The following PTPRS variants were observed in gnomAD, a reference collection of about 807,000 sequenced individuals.
PTPRS encodes protein tyrosine phosphatase receptor type S, also known as receptor-type tyrosine-protein phosphatase S.
PTPRS carries 63 observed loss-of-function variants against 215.3 expected under a neutral mutation model. That is an observed-to-expected ratio of 0.29 (90% CI 0.24 to 0.36). The LOEUF is 0.36. PTPRS is among the 10% of genes least tolerant of loss of function. The pLI is 1.00. For missense variants in PTPRS, 2,258 were observed against 2,825.8 expected, an observed-to-expected ratio of 0.80 and a Z score of 4.56; for synonymous variants, 1,404 against 1,191.4, an observed-to-expected ratio of 1.18 and a Z score of -3.68.
Position 5,206,490 on chromosome 19 carries a change from T to C in PTPRS, c.*284A>G. The C allele has an allele frequency of 2.6e-6, 1 of 383,818 alleles. No homozygotes were observed. The allele number at this position is 383,818 out of a possible 1,614,324, so 23.8% of individuals were successfully genotyped here. On this transcript the variant is annotated 3_prime_UTR_variant, in exon 38 of 38. Transcript: ENST00000262963. ...GGGGAGCACTCCTATTTGCTCACCA[T>C]CCCCCCACCCCCCACCCCGGAATCT...
At chr19:5,333,529 T>A (rs2050397291) in intron 1 of PTPRS, among the ~76,000 whole-genome samples, 1 of 134,160 alleles carries the variant, frequency 7.5e-6, no homozygotes, top group African/African-American at 2.8e-5. Flanking sequence ...ACACACACAA[T>A]GCGATTCGAA....
chr19:5,219,563 T>C, intron 22 of PTPRS, 96 bp from the exon 23 acceptor site: 2 of 1,394,200 alleles, frequency 1.4e-6, no homozygotes, highest in Non-Finnish European at 1.9e-6. Context: ...TCTCCCCCGC[T>C]CTAGATCCTC....
chr19:5,266,590 C>T (rs1050009225), intron 4 of PTPRS, among the ~76,000 whole-genome samples: 3 of 152,120 alleles, frequency 2.0e-5, no homozygotes, highest in Non-Finnish European at 4.4e-5. Context: ...TGGTCTCGAA[C>T]TCCTGACCTC....
At position 5,230,673 on chromosome 19, in the gene PTPRS, C is replaced by T. The variant is rs183127209; in HGVS notation, c.2155+637G>A. On this transcript the variant is annotated intron_variant, in intron 14 of 37. Transcript: ENST00000262963. The stretch of plus-strand genomic sequence containing the variant: ...ATGGGGTCTCACTATGTTGCCTAGG[C>T]TGGTCTCAAACTCCGAGACTCATAT... Among the ~76,000 whole-genome samples, 4 of 152,282 alleles carry T rather than the reference C, an allele frequency of 2.6e-5. No homozygotes were observed. In the East Asian group the frequency reaches 5.8e-4, roughly 22 times the overall value.
Position 5,237,120 on chromosome 19 carries a change from T to C in PTPRS, c.1849+1799A>G, listed in dbSNP as rs144116126. Among the ~76,000 whole-genome samples, 65 of 152,290 alleles carry C rather than the reference T, an allele frequency of 4.3e-4. No individual in the cohort carries two copies. Among genetic ancestry groups the C allele is most frequent in the Non-Finnish European group, 7.8e-4 (53 of 68,024 alleles). On this transcript the variant is annotated intron_variant, in intron 13 of 37. Transcript: ENST00000262963. The surrounding 1 kb of genome is among the most constrained non-coding windows in gnomAD (Gnocchi z 4.2). The stretch of plus-strand genomic sequence containing the variant: ...GCTGAGCTACAAGGCCAGACCGAAC[T>C]CTTGGTGGGTCTCAGGATGCCAGTG...
intron 2 of PTPRS, among the ~76,000 whole-genome samples, chr19:5,282,330 C>G (rs940705376): frequency 4.6e-5 from 7 of 152,176 alleles, no homozygotes. Flanking sequence ...AAATGTCTTG[C>G]AAATGCTTGC....
intron 1 of PTPRS, among the ~76,000 whole-genome samples, chr19:5,324,899 A>G (rs1195397297): frequency 1.3e-5 from 2 of 152,196 alleles, no homozygotes; most frequent in Admixed American, 1.3e-4. Flanking sequence ...CACAGGGGCA[A>G]GAAGAGCCAC....
In PTPRS at chr19:5,212,145, C is replaced by T. The variant is rs779217719; in HGVS notation, c.4875G>A (p.Arg1625=). 2 of 1,614,098 alleles carry T rather than the reference C, an allele frequency of 1.2e-6. No homozygotes were observed. Among genetic ancestry groups the T allele is most frequent in the Non-Finnish European group, 1.7e-6 (2 of 1,180,050 alleles). ...VDVYGHVTLM[R]SQRNYMVQTE... Reference sequence around the variant, plus strand: ...TCTGCACCATGTAGTTGCGCTGGGACCTCATGAGCGTCACGTGGCCATAGA... The same window carrying T: ...TCTGCACCATGTAGTTGCGCTGGGATCTCATGAGCGTCACGTGGCCATAGA... The change falls in exon 32 of 38, where the codon AGG becomes AGA. Residue 1625 remains arginine, a synonymous_variant. Coordinates refer to ENST00000262963, the MANE Select transcript of PTPRS (RefSeq NM_002850.4).
intron 13 of PTPRS, among the ~76,000 whole-genome samples, chr19:5,236,046 A>T (rs2043414832): frequency 6.6e-6 from 1 of 152,090 alleles, no homozygotes; most frequent in African/African-American, 2.4e-5. Flanking sequence ...ATCTCATTTA[A>T]TTCTCACAAC....
intron 26 of PTPRS, among the ~76,000 whole-genome samples, chr19:5,216,323 C>T (rs1171335916): frequency 6.6e-6 from 1 of 152,148 alleles, no homozygotes; most frequent in Non-Finnish European, 1.5e-5. Flanking sequence ...CTCCTGGGAC[C>T]TGTGTACCGG....
Position 5,239,950 on chromosome 19 carries a change from C to T in PTPRS, c.1704+249G>A, listed in dbSNP as rs192298178. Among the ~76,000 whole-genome samples the T allele has an allele frequency of 6.6e-5, 10 of 151,838 alleles. No homozygotes were observed. The East Asian group carries it at 1.4e-3, about 21-fold the overall frequency. On this transcript the variant is annotated intron_variant, in intron 12 of 37. Coordinates refer to ENST00000262963, the MANE Select transcript of PTPRS (RefSeq NM_002850.4). Reference sequence around the variant, plus strand: ...AAGCACAGATCAAGAGAGATGGGGACGCCGATACATACGGAACCAGAGAGA... The same window carrying T: ...AAGCACAGATCAAGAGAGATGGGGATGCCGATACATACGGAACCAGAGAGA...
intron 2 of PTPRS, among the ~76,000 whole-genome samples, chr19:5,278,311 C>G (rs996387167): frequency 1.3e-5 from 2 of 151,936 alleles, no homozygotes; most frequent in Admixed American, 6.6e-5. Flanking sequence ...CTCAATCTCC[C>G]AGGCTCAAGC....
intron 9 of PTPRS, among the ~76,000 whole-genome samples, chr19:5,255,698 CAA>C (rs752720408): frequency 2.6e-5 from 4 of 152,162 alleles, no homozygotes; most frequent in Non-Finnish European, 5.9e-5. Context: ...ACCAAACCGA[CAA>C]GAGAGGCATG....
intron 12 of PTPRS, among the ~76,000 whole-genome samples, chr19:5,239,780 A>ACAG (rs1186375754): frequency 2.0e-5 from 3 of 152,134 alleles, no homozygotes; most frequent in Admixed American, 2.0e-4. Flanking sequence ...GGATAGAAAC[A>ACAG]CAGAGACAGA....
At chr19:5,213,457 G>A (rs956516585) in intron 30 of PTPRS, among the ~76,000 whole-genome samples, 1 of 142,132 alleles carries the variant, frequency 7.0e-6, no homozygotes, top group Non-Finnish European at 1.6e-5. Flanking sequence ...CCTCTTCCAG[G>A]TCCCTAACAC....
At chr19:5,251,795 G>C (rs1276587614) in intron 9 of PTPRS, among the ~76,000 whole-genome samples, 1 of 152,262 alleles carries the variant, frequency 6.6e-6, no homozygotes, top group East Asian at 1.9e-4. Context: ...GAGAAGGTCT[G>C]GGTCTGATCT....
chr19:5,328,865 C>T (rs943939593), intron 1 of PTPRS, among the ~76,000 whole-genome samples: 2 of 152,184 alleles, frequency 1.3e-5, no homozygotes, highest in Non-Finnish European at 2.9e-5. Flanking sequence ...TCACCCACTC[C>T]GAGTACTCTC....
intron 1 of PTPRS, among the ~76,000 whole-genome samples, chr19:5,289,510 C>T (rs2048636577): frequency 6.6e-6 from 1 of 152,130 alleles, no homozygotes; most frequent in South Asian, 2.1e-4. Flanking sequence ...GCCTCGGGGT[C>T]AAAGCCCAAG....
In PTPRS at chr19:5,212,405, G is replaced by A; in HGVS notation, c.4701C>T (p.Phe1567=). The part of the protein sequence containing the change: ...DHGVPEYPTP[F]LAFLRRVKTC... ...TCTTGACTCTCCGCAGGAAAGCCAG[G>A]AAGGGCGTTGGGTATTCGGGCACGC... The change falls in exon 31 of 38, where the codon TTC becomes TTT. Residue 1567 remains phenylalanine, a synonymous_variant. Transcript: ENST00000262963. 1 of 1,606,388 alleles carries A rather than the reference G, an allele frequency of 6.2e-7. No individual in the cohort carries two copies. Among genetic ancestry groups the A allele is most frequent in the Non-Finnish European group, 8.5e-7 (1 of 1,176,386 alleles).
Sources: allele counts gnomAD v4.1 joint callset (sites outside exome capture counted in the v4.1 genomes callset), GRCh38; gene constraint gnomAD v4.1.1; non-coding constraint Gnocchi (gnomAD v3.1); transcripts MANE v1.5; gene names NCBI Gene and HGNC (gene_info 2026-07-23, HGNC 2026-07-21).